Variants in GRIK3 observed in about 807,000 individuals in gnomAD.
The protein encoded by GRIK3 is glutamate receptor ionotropic, kainate 3.
Under a neutral mutation model 102.5 loss-of-function variants are expected in GRIK3, and 29 were observed. The ratio of observed to expected loss-of-function variants is 0.28; its 90% CI spans 0.21 to 0.39. The LOEUF is 0.39. Ranked by LOEUF, GRIK3 falls within the 10% of genes least tolerant of loss-of-function variation. GRIK3 has a pLI of 1.00. For synonymous variants in GRIK3, 511 were observed against 504.9 expected (o/e 1.01, Z -0.16); for missense variants, 908 against 1,252.4 (o/e 0.73, Z 4.15).
At chr1:36,838,961 C>G (rs1000583558) in intron 10 of GRIK3, among the ~76,000 whole-genome samples, 1 of 152,198 alleles carries the variant, frequency 6.6e-6, no homozygotes, top group African/African-American at 2.4e-5. Flanking sequence ...TCCCAAAGCA[C>G]CGCCTGGCTG....
At chr1:36,975,288 G>A (rs1010096837) in intron 1 of GRIK3, among the ~76,000 whole-genome samples, 10 of 113,372 alleles carry the variant, frequency 8.8e-5, no homozygotes, top group Non-Finnish European at 1.2e-4. Context: ...TCTAAAGTTG[G>A]TTTTTTTTTT....
At chr1:37,019,604 C>T (rs114331458) in intron 1 of GRIK3, among the ~76,000 whole-genome samples, 6,825 of 152,188 alleles carry the variant, frequency 0.045, 195 homozygotes, top group Middle Eastern at 0.078. Flanking sequence ...GTTTCATTGC[C>T]CCCGCATCCT....
At chr1:36,827,618 G>A (rs1336735657) in intron 10 of GRIK3, among the ~76,000 whole-genome samples, 1 of 152,166 alleles carries the variant, frequency 6.6e-6, no homozygotes, top group Admixed American at 6.5e-5. Flanking sequence ...TAGTAGGGGA[G>A]ATGGGCATTA....
intron 1 of GRIK3, among the ~76,000 whole-genome samples, chr1:36,906,698 G>A (rs1641288507): frequency 6.6e-6 from 1 of 152,212 alleles, no homozygotes; most frequent in Admixed American, 6.5e-5. Flanking sequence ...TAGCACGCTG[G>A]CAGCCGCAGA....
chr1:36,900,296 C>T (rs186890077), intron 1 of GRIK3, among the ~76,000 whole-genome samples: 18 of 152,174 alleles, frequency 1.2e-4, no homozygotes, highest in African/African-American at 4.1e-4. Flanking sequence ...TCCTCCTCCC[C>T]CTCCTGCTCC....
intron 7 of GRIK3, among the ~76,000 whole-genome samples, chr1:36,855,292 C>T (rs1005456109): frequency 1.1e-4 from 16 of 152,196 alleles, no homozygotes; most frequent in South Asian, 1.0e-3. Context: ...GATTCTGAAT[C>T]GGGCTCCACA....
At chr1:36,841,213 A>C (rs1640445357) in intron 10 of GRIK3, among the ~76,000 whole-genome samples, 1 of 152,104 alleles carries the variant, frequency 6.6e-6, no homozygotes, top group Admixed American at 6.5e-5. Context: ...AGGCAGAGGA[A>C]GAGGCTGACT....
intron 9 of GRIK3, among the ~76,000 whole-genome samples, chr1:36,842,796 T>A (rs1420951692): frequency 6.6e-6 from 1 of 152,064 alleles, no homozygotes; most frequent in African/African-American, 2.4e-5. Context: ...ATGCAGAAAG[T>A]GAAGTTCATG....
intron 1 of GRIK3, among the ~76,000 whole-genome samples, chr1:36,990,385 T>C (rs961347403): frequency 1.3e-5 from 2 of 152,184 alleles, no homozygotes; most frequent in African/African-American, 2.4e-5. Flanking sequence ...CCTGCTTCTC[T>C]TCCCAACTTG....
At position 36,828,381 on chromosome 1, in the gene GRIK3, T is replaced by C. The variant is rs141862442; in HGVS notation, c.1531-2555A>G. On this transcript the variant is annotated intron_variant, in intron 10 of 15. Transcript: ENST00000373091. The stretch of plus-strand genomic sequence containing the variant: ...CTCTTGGTCAACAGTGGACTGCGTA[T>C]TCAATAGTGGTCCCATAAGATTATA... 1.5e-3 allele frequency among the ~76,000 whole-genome samples: 221 copies of C among 152,314 alleles called. 4 individuals carry two copies. The highest frequency in any genetic ancestry group is 0.014 in the East Asian group (72 of 5,184).
At chr1:36,875,479 G>A (rs1421162260) in intron 3 of GRIK3, among the ~76,000 whole-genome samples, 1 of 152,272 alleles carries the variant, frequency 6.6e-6, no homozygotes, top group Non-Finnish European at 1.5e-5. Context: ...GCTCACCCAT[G>A]TGAATTGTTT....
At chr1:36,854,200 T>C (rs924785277) in intron 7 of GRIK3, among the ~76,000 whole-genome samples, 1 of 152,186 alleles carries the variant, frequency 6.6e-6, no homozygotes, top group African/African-American at 2.4e-5. Flanking sequence ...GCCCCATGTG[T>C]GCTGTGGTTA....
In GRIK3 at chr1:36,996,222, G is replaced by A. The variant is rs377566239; in HGVS notation, c.115+37772C>T. On this transcript the variant is annotated intron_variant, in intron 1 of 15. Transcript: ENST00000373091. ...GTGGGAAGAGATGGCCTGTGTTGCC[G>A]CAGGCAAGTCTGTCTAAGCCTTGAT... Among the ~76,000 whole-genome samples, 11 of 152,354 alleles carry A rather than the reference G, an allele frequency of 7.2e-5. No individual in the cohort carries two copies. The South Asian group carries it at 1.2e-3, about 17-fold the overall frequency.
chr1:36,809,152 CCCATCCAT>C (rs56242743), intron 13 of GRIK3, among the ~76,000 whole-genome samples: 1 of 150,994 alleles, frequency 6.6e-6, no homozygotes, highest in Non-Finnish European at 1.5e-5. Flanking sequence ...TACCCATCAA[CCCATCCAT>C]CCATCCATCC....
intron 2 of GRIK3, among the ~76,000 whole-genome samples, chr1:36,884,073 G>A (rs982302860): frequency 3.9e-5 from 6 of 152,164 alleles, no homozygotes; most frequent in African/African-American, 1.4e-4. Flanking sequence ...AGTACAGAGG[G>A]TATCTCCTGG....
At position 36,798,077 on chromosome 1, in the gene GRIK3, C is replaced by T. The variant is rs1642388845; in HGVS notation, c.*3774G>A. 2 of 152,308 alleles carry T rather than the reference C, an allele frequency of 1.3e-5. No homozygotes were observed. Among genetic ancestry groups the T allele is most frequent in the South Asian group, 4.1e-4 (2 of 4,830 alleles). 9.4% of individuals were successfully genotyped at this position (152,308 alleles called of 1,614,324 possible). A position where few individuals can be genotyped will look rare whatever the true frequency, so the allele number is the denominator to read the frequency against. On this transcript the variant is annotated 3_prime_UTR_variant, in exon 16 of 16. Coordinates refer to ENST00000373091, the MANE Select transcript of GRIK3 (RefSeq NM_000831.4). ...GCACACTGGCCAAGGGGGCGTCACC[C>T]CTCGCGAGAGACTCTTGCAGCATGG...
chr1:36,886,638 G>A lies in GRIK3; in HGVS notation c.292+4282C>T, dbSNP rs548546005. Among the ~76,000 whole-genome samples, 8 of 152,260 alleles carry A rather than the reference G, an allele frequency of 5.3e-5. No homozygotes were observed. The East Asian group carries it at 1.5e-3, about 29-fold the overall frequency. On this transcript the variant is annotated intron_variant, in intron 2 of 15. Transcript: ENST00000373091. ...GGGACATTGAGGGTTGCAGAAAGAT[G>A]GCACTTAATTTTTTTATTGAGATAT... is the stretch of plus-strand genomic sequence containing the variant.
Position 36,825,730 on chromosome 1 carries a change from G to C in GRIK3, c.1627C>G (p.Leu543Val), listed in dbSNP as rs200418971. The C allele has an allele frequency of 1.2e-6, 2 of 1,613,928 alleles. No individual in the cohort carries two copies. Among genetic ancestry groups the C allele is most frequent in the African/African-American group, 1.3e-5 (1 of 74,932 alleles). The change falls in exon 11 of 16, where the codon CTG becomes GTG. Residue 543 changes from leucine (L) to valine (V), a missense_variant. Transcript: ENST00000373091. ...KPFMTLGVSI[L>V]YRKPNGTNPS... The stretch of plus-strand genomic sequence containing the variant: ...TTGGTGCCATTGGGCTTTCGATACA[G>C]GATGCTCACACCAAGTGTCATGAAG...
Position 36,841,925 on chromosome 1 carries a change from G to A in GRIK3, c.1341C>T (p.Val447=). 6.2e-7 allele frequency: 1 copy of A among 1,614,170 alleles called. No homozygotes were observed. Among genetic ancestry groups the A allele is most frequent in the Non-Finnish European group, 8.5e-7 (1 of 1,180,004 alleles). The part of the protein sequence containing the change: ...IVTTVLEEPF[V]MFRKSDRTLY... ...GCGTCCTGTCTGATTTCCGAAACAT[G>A]ACGAAGGGCTCCTCCTGCAGAGACA... Residue 447 remains valine, a synonymous_variant, in exon 10 of 16, where the codon GTC becomes GTT. Coordinates refer to ENST00000373091, the MANE Select transcript of GRIK3 (RefSeq NM_000831.4).
Sources: allele counts gnomAD v4.1 joint callset (sites outside exome capture counted in the v4.1 genomes callset), GRCh38; gene constraint gnomAD v4.1.1; transcripts MANE v1.5; gene names NCBI Gene and HGNC (gene_info 2026-07-23, HGNC 2026-07-21).